Variants in NF1 observed in about 807,000 individuals in gnomAD.
NF1 encodes neurofibromin.
NF1 carries 122 observed loss-of-function variants against 325.7 expected under a neutral mutation model. The ratio of observed to expected loss-of-function variants is 0.37; its 90% CI spans 0.32 to 0.44. NF1 has a LOEUF of 0.44. NF1 is among the 20% of genes least tolerant of loss of function. The pLI is 1.00. For synonymous variants in NF1, 1,091 were observed against 1,186.0 expected (o/e 0.92, Z 1.65); for missense variants, 2,140 against 3,415.4 (o/e 0.63, Z 9.31).
At chr17:31,223,784 A>C (rs2066967538) in intron 16 of NF1, among the ~76,000 whole-genome samples, 1 of 152,268 alleles carries the variant, frequency 6.6e-6, no homozygotes, top group African/African-American at 2.4e-5. Context: ...CTGTTGATGA[A>C]TTCTAGTTCT....
Position 31,225,079 on chromosome 17 carries a change from A to G in NF1, c.1846-16A>G, listed in dbSNP as rs373859084. ...GTCAGTGCTTCAGTAAAGCTTATTT[A>G]TTTATTTTTTTCTAGCAGGCAGATA... On this transcript the variant is annotated splice_polypyrimidine_tract_variant and intron_variant, in intron 16 of 57. Transcript: ENST00000358273. 2.5e-6 allele frequency: 4 copies of G among 1,612,676 alleles called. No individual in the cohort carries two copies. Among genetic ancestry groups the G allele is most frequent in the African/African-American group, 2.7e-5 (2 of 74,794 alleles).
At position 31,182,580 on chromosome 17, in the gene NF1, C is replaced by T. The variant is rs1441060549; in HGVS notation, c.803C>T (p.Pro268Leu). The T allele has an allele frequency of 6.2e-7, 1 of 1,613,940 alleles. No homozygotes were observed. Among genetic ancestry groups the T allele is most frequent in the Non-Finnish European group, 8.5e-7 (1 of 1,179,898 alleles). Residue 268 changes from proline to leucine, a missense_variant, in exon 8 of 58, where the codon CCA (proline) becomes CTA (leucine). Pro to Leu is a moderately conservative substitution (Grantham distance 98). This residue lies in a region of NF1 where 246 missense variants were observed against 347.8 expected (regional missense o/e 0.71). Coordinates refer to ENST00000358273, the MANE Select transcript of NF1 (RefSeq NM_001042492.3). Reference protein sequence around the residue: ...ESTKRKAAVWPLQIILLILCP... With the variant: ...ESTKRKAAVWLLQIILLILCP... ...ACCAAACGTAAAGCAGCAGTTTGGC[C>T]ACTACAAATCATTCTCCTTATCTTG...
Position 31,229,289 on chromosome 17 carries a change from A to C in NF1, c.2674A>C (p.Ser892Arg). ...AGAGGGAAACGCAGATACACCTGTCAGCAAATTTATGGATCGGCTGTTGTC... is the reference window on the plus strand; with the variant it reads ...AGAGGGAAACGCAGATACACCTGTCCGCAAATTTATGGATCGGCTGTTGTC... ...SSEGNADTPV[S>R]KFMDRLLSLM... The change falls in exon 21 of 58, where the codon AGC (serine) becomes CGC (arginine). Residue 892 changes from serine to arginine, a missense_variant. By Grantham distance (110) the Ser-to-Arg change is moderately radical. Transcript: ENST00000358273. 1 of 1,613,928 alleles carries C rather than the reference A, an allele frequency of 6.2e-7. No individual in the cohort carries two copies. Among genetic ancestry groups the C allele is most frequent in the Non-Finnish European group, 8.5e-7 (1 of 1,179,848 alleles).
At position 31,327,804 on chromosome 17, in the gene NF1, A is replaced by G. The variant is rs760561904; in HGVS notation, c.5574A>G (p.Ala1858=). 5 of 1,614,202 alleles carry G rather than the reference A, an allele frequency of 3.1e-6. No individual in the cohort carries two copies. The highest frequency in any genetic ancestry group is 4.2e-6 in the Non-Finnish European group (5 of 1,180,042). Residue 1858 remains alanine (A), a synonymous_variant, in exon 38 of 58, where the codon GCA becomes GCG. Transcript: ENST00000358273. ...TCCCTGGGACACTGCTCAATATCGC[A>G]TTACTTAATTTAGGCAGTTCTGACC... is the stretch of plus-strand genomic sequence containing the variant. The part of the protein sequence containing the change: ...KDVPGTLLNI[A]LLNLGSSDPS...
intron 36 of NF1, among the ~76,000 whole-genome samples, chr17:31,325,509 G>A (rs1394276919): frequency 5.3e-5 from 8 of 152,138 alleles, no homozygotes; most frequent in Non-Finnish European, 8.8e-5. Flanking sequence ...CAGACTATTC[G>A]CCTAAGGAGT....
intron 1 of NF1, among the ~76,000 whole-genome samples, chr17:31,127,093 T>G (rs1230609011): frequency 6.7e-6 from 1 of 149,822 alleles, no homozygotes; most frequent in African/African-American, 2.5e-5. Context: ...GGGTGAATAT[T>G]AAGTGTCAGT....
In NF1 at chr17:31,336,254, C is replaced by T. The variant is rs2151552895; in HGVS notation, c.6007-79C>T. 2 of 1,460,860 alleles carry T rather than the reference C, an allele frequency of 1.4e-6. No individual in the cohort carries two copies. Among genetic ancestry groups the T allele is most frequent in the Admixed American group, 1.8e-5 (1 of 55,018 alleles). The allele number at this position is 1,460,860 out of a possible 1,614,324, so 90.5% of individuals were successfully genotyped here. On this transcript the variant is annotated intron_variant, in intron 40 of 57. Coordinates refer to ENST00000358273, the MANE Select transcript of NF1 (RefSeq NM_001042492.3). This position sits in a 1 kb window ranked among gnomAD's most constrained non-coding sequence, Gnocchi z 5.5. ...AAATAGAATTTTCATATTGATTAGGCTGTTCCAATGAATATTTTTTAATTA... is the reference window on the plus strand; with the variant it reads ...AAATAGAATTTTCATATTGATTAGGTTGTTCCAATGAATATTTTTTAATTA...
intron 39 of NF1, chr17:31,331,716 C>G (rs1567614210): frequency 6.6e-6 from 1 of 151,282 alleles, no homozygotes; most frequent in Non-Finnish European, 1.5e-5. Flanking sequence ...CAAGTATGTT[C>G]TGCCTGTATT....
chr17:31,312,351 A>G (rs1328730158), intron 36 of NF1, among the ~76,000 whole-genome samples: 3 of 152,014 alleles, frequency 2.0e-5, no homozygotes, highest in East Asian at 3.9e-4. Flanking sequence ...TTCTACTAAA[A>G]ATACAAAAAA....
chr17:31,262,319 ATATAG>A (rs2067700056), intron 35 of NF1, among the ~76,000 whole-genome samples: 2 of 152,214 alleles, frequency 1.3e-5, no homozygotes, highest in Non-Finnish European at 2.9e-5. Context: ...GGTTCAGAAA[ATATAG>A]TATACTTCAG....
intron 5 of NF1, among the ~76,000 whole-genome samples, chr17:31,177,137 G>C (rs868711503): frequency 1.3e-5 from 2 of 152,154 alleles, no homozygotes; most frequent in Non-Finnish European, 2.9e-5. Context: ...CTATCGATGA[G>C]CATGGAATGT....
chr17:31,117,696 A>AAAAAAAAAAAAAAG, intron 1 of NF1, among the ~76,000 whole-genome samples: 1 of 149,690 alleles, frequency 6.7e-6, no homozygotes, highest in Non-Finnish European at 1.5e-5. Context: ...AAAAAAAAAA[A>AAAAAAAAAAAAAAG]AAAAAAAGGA....
At chr17:31,142,984 G>A (rs2905794) in intron 1 of NF1, among the ~76,000 whole-genome samples, 85,335 of 151,914 alleles carry the variant, frequency 0.56, 26,695 homozygotes, top group Middle Eastern at 0.77. Flanking sequence ...TTATTAATAG[G>A]CAAGACAACC....
chr17:31,312,055 GA>G (rs2068889380), intron 36 of NF1, among the ~76,000 whole-genome samples: 2 of 151,846 alleles, frequency 1.3e-5, no homozygotes, highest in East Asian at 1.9e-4. Context: ...ATTTTGTGGT[GA>G]TTTTTTTTTT....
chr17:31,098,284 C>G (rs533037739), intron 1 of NF1, among the ~76,000 whole-genome samples: 74 of 151,942 alleles, frequency 4.9e-4, no homozygotes, highest in African/African-American at 1.7e-3. Context: ...GTAGTGAATG[C>G]TTGACCATCA....
At chr17:31,214,643 C>T (rs2143961612) in intron 13 of NF1, 58 bp downstream of exon 13, 5 of 1,551,242 alleles carry the variant, frequency 3.2e-6, no homozygotes, top group Non-Finnish European at 4.4e-6. Context: ...TTGGGTTTAG[C>T]TGAAACGCCA....
intron 37 of NF1, among the ~76,000 whole-genome samples, chr17:31,327,284 T>A (rs899448689): frequency 6.6e-6 from 1 of 152,190 alleles, no homozygotes; most frequent in Admixed American, 6.5e-5. Context: ...CTTGACCTTT[T>A]TAAAAAGGAA....
At chr17:31,103,845 T>C (rs1912597475) in intron 1 of NF1, among the ~76,000 whole-genome samples, 2 of 150,798 alleles carry the variant, frequency 1.3e-5, no homozygotes, top group South Asian at 4.2e-4. Context: ...AATCAGCCAG[T>C]GTGCATTGGT....
At chr17:31,254,289 A>G (rs549976090) in intron 31 of NF1, 9 of 151,244 alleles carry the variant, frequency 6.0e-5, no homozygotes, top group East Asian at 5.8e-4. Context: ...AAAAAAAAAA[A>G]AAAGAAAACG....
Sources: gnomAD v4.1 joint callset for allele counts (sites outside exome capture counted in the v4.1 genomes callset) on GRCh38, gnomAD v4.1.1 for gene constraint, gnomAD v4.1.1 regional missense constraint, Gnocchi (gnomAD v3.1) non-coding constraint, MANE v1.5 for transcripts, NCBI Gene and HGNC (gene_info 2026-07-23, HGNC 2026-07-21) for gene names.